Variants in UEVLD observed in about 807,000 individuals in gnomAD.
UEVLD encodes ubiquitin-conjugating enzyme E2 variant 3.
Under a neutral mutation model 58.6 loss-of-function variants are expected in UEVLD, and 47 were observed. The ratio of observed to expected loss-of-function variants is 0.80; its 90% CI spans 0.63 to 1.02. The LOEUF (loss-of-function observed/expected upper bound fraction) is 1.02, where lower values mean the gene tolerates loss of function less well. UEVLD is among the 50% of genes least tolerant of loss of function. The pLI is 0.00. For synonymous variants in UEVLD, 197 were observed against 195.3 expected (o/e 1.01, Z -0.07); for missense variants, 510 against 550.6 (o/e 0.93, Z 0.74).
chr11:18,552,114 T>G (rs1230302294), intron 7 of UEVLD, among the ~76,000 whole-genome samples: 1 of 152,342 alleles, frequency 6.6e-6, no homozygotes, highest in South Asian at 2.1e-4. Flanking sequence ...TAAGCCATTC[T>G]TACGGTACTA....
chr11:18,584,345 T>C (rs183274688), intron 1 of UEVLD, among the ~76,000 whole-genome samples: 1 of 152,224 alleles, frequency 6.6e-6, no homozygotes, highest in East Asian at 1.9e-4. Flanking sequence ...ATGGTACCAC[T>C]GCACTCCAGC....
intron 5 of UEVLD, among the ~76,000 whole-genome samples, chr11:18,565,695 T>C (rs977446541): frequency 1.1e-4 from 17 of 151,824 alleles, no homozygotes; most frequent in African/African-American, 3.4e-4. Context: ...TGGGCATGCC[T>C]GTAGTCCCAG....
chr11:18,542,628 T>C (rs925946535), intron 9 of UEVLD, among the ~76,000 whole-genome samples: 1 of 152,108 alleles, frequency 6.6e-6, no homozygotes, highest in African/African-American at 2.4e-5. Context: ...ATATAAATAC[T>C]ACATATTTTT....
At chr11:18,574,093 A>G (rs1358889577) in intron 3 of UEVLD, among the ~76,000 whole-genome samples, 1 of 152,178 alleles carries the variant, frequency 6.6e-6, no homozygotes, top group Non-Finnish European at 1.5e-5. Context: ...ATAACTGTAT[A>G]TTAGTGATTA....
intron 6 of UEVLD, among the ~76,000 whole-genome samples, chr11:18,560,064 T>C (rs1209183507): frequency 8.8e-6 from 1 of 114,146 alleles, no homozygotes; most frequent in African/African-American, 3.1e-5. Context: ...CAGACCAGCC[T>C]GGGCAACATG....
At chr11:18,535,640 T>A (rs1274135203) in intron 10 of UEVLD, among the ~76,000 whole-genome samples, 1 of 152,166 alleles carries the variant, frequency 6.6e-6, no homozygotes, top group Admixed American at 6.5e-5. Context: ...AAATTCTGTG[T>A]AGAGTCCTGC....
intron 6 of UEVLD, among the ~76,000 whole-genome samples, chr11:18,560,812 A>G (rs1235352734): frequency 2.6e-5 from 4 of 152,022 alleles, no homozygotes; most frequent in Non-Finnish European, 5.9e-5. Context: ...GGAGTTTGAG[A>G]GCCCCGTAGC....
Position 18,562,568 on chromosome 11 carries a change from G to A in UEVLD, c.612+2324C>T, listed in dbSNP as rs1174864973. The stretch of plus-strand genomic sequence containing the variant: ...AAAGAAAAAAAAAAAAATTTTTTTT[G>A]TAGAAATGGGGATCTCGCTGTGTCG... On this transcript the variant is annotated intron_variant, in intron 6 of 11. Transcript: ENST00000396197. Among the ~76,000 whole-genome samples the A allele has an allele frequency of 2.0e-5, 3 of 150,214 alleles. No individual in the cohort carries two copies. The East Asian group carries it at 6.1e-4, about 30-fold the overall frequency.
Position 18,534,458 on chromosome 11 carries a change from G to T in UEVLD, c.1125-5C>A. On this transcript the variant is annotated splice_region_variant and splice_polypyrimidine_tract_variant and intron_variant, in intron 10 of 11. Transcript: ENST00000396197. The stretch of plus-strand genomic sequence containing the variant: ...ACTCTTAGCAGTTCCATGGCTCTAG[G>T]TTACAAAAATACGTGATCTCAGAAA... 6.4e-7 allele frequency: 1 copy of T among 1,560,198 alleles called. No individual in the cohort carries two copies. The highest frequency in any genetic ancestry group is 1.7e-4 in the Middle Eastern group (1 of 5,948).
intron 10 of UEVLD, among the ~76,000 whole-genome samples, chr11:18,535,352 G>T (rs1235133788): frequency 2.0e-5 from 3 of 152,052 alleles, no homozygotes; most frequent in Non-Finnish European, 4.4e-5. Context: ...ATAGATATCT[G>T]CAGTATCTGA....
At chr11:18,584,863 C>T (rs1278308494) in intron 1 of UEVLD, among the ~76,000 whole-genome samples, 1 of 152,086 alleles carries the variant, frequency 6.6e-6, no homozygotes, top group Non-Finnish European at 1.5e-5. Context: ...GAATTCCTGA[C>T]CTCGTGATCT....
chr11:18,588,493 G>A, intron 1 of UEVLD, 120 bp downstream of exon 1: 4 of 1,226,794 alleles, frequency 3.3e-6, no homozygotes, highest in Non-Finnish European at 4.5e-6. Context: ...CAGACCAGCC[G>A]CCCCGGCTCC....
At chr11:18,547,072 T>A (rs1851333835) in intron 7 of UEVLD, 22 bp from the exon 8 acceptor site, 1 of 1,602,770 alleles carries the variant, frequency 6.2e-7, no homozygotes, top group Admixed American at 1.8e-5. Context: ...AAAGAAACAG[T>A]CTGAGCTGAA....
intron 8 of UEVLD, among the ~76,000 whole-genome samples, chr11:18,545,713 G>C (rs1851279130): frequency 6.6e-6 from 1 of 152,172 alleles, no homozygotes; most frequent in African/African-American, 2.4e-5. Context: ...CCAAAGTGCT[G>C]TGATTACAGG....
At chr11:18,563,779 TGGATCACTTGA>T (rs1182301045) in intron 6 of UEVLD, 2 of 768,392 alleles carry the variant, frequency 2.6e-6, no homozygotes, top group African/African-American at 3.8e-5. Flanking sequence ...CCAGGGCAGG[TGGATCACTTGA>T]GGTCAGAAGT....
chr11:18,566,169 G>A (rs998708412), intron 5 of UEVLD, among the ~76,000 whole-genome samples, 178 bp downstream of exon 5: 2 of 152,056 alleles, frequency 1.3e-5, no homozygotes, highest in African/African-American at 2.4e-5. Context: ...AAAGTCCTGG[G>A]ATTACAGGAG....
At chr11:18,561,031 T>A (rs1165681445) in intron 6 of UEVLD, among the ~76,000 whole-genome samples, 3 of 151,780 alleles carry the variant, frequency 2.0e-5, no homozygotes, top group African/African-American at 7.3e-5. Context: ...ATGCTGATTT[T>A]GTTTCAGTAG....
chr11:18,582,191 G>A (rs565032302), intron 1 of UEVLD, among the ~76,000 whole-genome samples: 2 of 152,142 alleles, frequency 1.3e-5, no homozygotes, highest in East Asian at 3.9e-4. Flanking sequence ...ATTATTAATA[G>A]CTATATAAGG....
rs748959340 is a variant in UEVLD at position 18,546,858 on chromosome 11, A to T, written c.886+22T>A. On this transcript the variant is annotated intron_variant, in intron 8 of 11. Coordinates refer to ENST00000396197, the MANE Select transcript of UEVLD (RefSeq NM_001040697.4). ...TACTGATGTACTGGACCATCAACTT[A>T]ATTTAAAATAAAGCATTTTACCTGG... 16 of 1,609,752 alleles carry T rather than the reference A, an allele frequency of 9.9e-6. No individual in the cohort carries two copies. The South Asian group carries it at 1.8e-4, about 18-fold the overall frequency.
Sources: allele counts gnomAD v4.1 joint callset (sites outside exome capture counted in the v4.1 genomes callset), GRCh38; gene constraint gnomAD v4.1.1; transcripts MANE v1.5; gene names NCBI Gene and HGNC (gene_info 2026-07-23, HGNC 2026-07-21).